Variants in NRXN1 observed in about 807,000 individuals in gnomAD.
The protein encoded by NRXN1 is neurexin 1, also known as neurexin-1.
Under a neutral mutation model 150.9 loss-of-function variants are expected in NRXN1, and 39 were observed. That is an observed-to-expected ratio of 0.26 (90% CI 0.20 to 0.34). NRXN1 has a LOEUF of 0.34. Ranked by LOEUF, NRXN1 falls within the 10% of genes least tolerant of loss-of-function variation. NRXN1 has a pLI of 1.00. For synonymous variants in NRXN1, 924 were observed against 757.0 expected (o/e 1.22, Z -3.62); for missense variants, 1,815 against 1,949.9 (o/e 0.93, Z 1.30).
chr2:50,876,213 A>C (rs924738681), intron 5 of NRXN1, among the ~76,000 whole-genome samples: 1 of 151,742 alleles, frequency 6.6e-6, no homozygotes, highest in Non-Finnish European at 1.5e-5. Context: ...CCCATCCTAG[A>C]GGAGAAACTA....
At chr2:50,236,477 T>G (rs979137969) in intron 18 of NRXN1, among the ~76,000 whole-genome samples, 3 of 151,886 alleles carry the variant, frequency 2.0e-5, no homozygotes, top group African/African-American at 7.2e-5. Context: ...AGGCAATAAC[T>G]TATTTTATTC....
chr2:50,990,078 T>A (rs1049845145), intron 2 of NRXN1, among the ~76,000 whole-genome samples: 6 of 152,012 alleles, frequency 3.9e-5, no homozygotes, highest in African/African-American at 1.4e-4. Flanking sequence ...ACTAATGATG[T>A]TGAGCATCTT....
In NRXN1 at chr2:51,027,951, G is replaced by A. The variant is rs1312769037; in HGVS notation, c.323C>T (p.Pro108Leu). 5.0e-6 allele frequency: 8 copies of A among 1,603,078 alleles called. No homozygotes were observed. Among genetic ancestry groups the A allele is most frequent in the Middle Eastern group, 1.6e-4 (1 of 6,078 alleles). The change falls in exon 2 of 23, where the codon CCG (proline) becomes CTG (leucine). Residue 108 changes from proline to leucine, a missense_variant. Physicochemically the swap from Pro to Leu is moderately conservative, Grantham distance 98. This residue lies in a region of NRXN1 where 554 missense variants were observed against 478.8 expected (regional missense o/e 1.16). Coordinates refer to ENST00000401669, the MANE Select transcript of NRXN1 (RefSeq NM_001330078.2). Reference protein sequence around the residue: ...AEPATLLADTPVNDGAWHSVR... With the variant: ...AEPATLLADTLVNDGAWHSVR... ...GCTGTGCCAGGCGCCGTCGTTAACC[G>A]GCGTGTCGGCCAGGAGCGTCGCAGG... is the stretch of plus-strand genomic sequence containing the variant.
chr2:50,737,177 A>C (rs1343845566), intron 5 of NRXN1, among the ~76,000 whole-genome samples: 1 of 152,058 alleles, frequency 6.6e-6, no homozygotes, highest in Non-Finnish European at 1.5e-5. Context: ...CCTGGACAAC[A>C]AGAGCAAAAC....
rs542642450 is a variant in NRXN1 at position 49,923,296 on chromosome 2, A to T, written c.4217-1045T>A. ...TAGCGAGAGAAGAAGATTCTATCCTACTCTGACTGTAGGTCATTTTTTCCT... is the reference window on the plus strand; with the variant it reads ...TAGCGAGAGAAGAAGATTCTATCCTTCTCTGACTGTAGGTCATTTTTTCCT... On this transcript the variant is annotated intron_variant, in intron 22 of 22. Coordinates refer to ENST00000401669, the MANE Select transcript of NRXN1 (RefSeq NM_001330078.2). Among the ~76,000 whole-genome samples the T allele has an allele frequency of 3.3e-5, 5 of 152,228 alleles. No homozygotes were observed. In the East Asian group the frequency reaches 9.6e-4, roughly 29 times the overall value.
At chr2:50,287,107 A>T (rs1218900459) in intron 17 of NRXN1, among the ~76,000 whole-genome samples, 4 of 152,100 alleles carry the variant, frequency 2.6e-5, no homozygotes, top group Non-Finnish European at 4.4e-5. Context: ...ACTGAGCTTA[A>T]TATTTTTTCA....
At chr2:50,727,188 A>C (rs899954121) in intron 5 of NRXN1, among the ~76,000 whole-genome samples, 1 of 152,174 alleles carries the variant, frequency 6.6e-6, no homozygotes, top group Non-Finnish European at 1.5e-5. Context: ...ACTTAAAGAG[A>C]TATAATTCCT....
chr2:50,961,258 C>G (rs983941853), intron 2 of NRXN1, among the ~76,000 whole-genome samples: 2 of 151,810 alleles, frequency 1.3e-5, no homozygotes, highest in Non-Finnish European at 2.9e-5. Context: ...ACTGGGAAAT[C>G]TTGTTAAAAT....
At chr2:50,695,464 T>C (rs1692690684) in intron 5 of NRXN1, among the ~76,000 whole-genome samples, 1 of 152,180 alleles carries the variant, frequency 6.6e-6, no homozygotes, top group Non-Finnish European at 1.5e-5. Context: ...TTCTATTAAC[T>C]ATGGGTAATC....
At chr2:49,956,433 T>C (rs529965805) in intron 21 of NRXN1, among the ~76,000 whole-genome samples, 1 of 152,278 alleles carries the variant, frequency 6.6e-6, no homozygotes, top group East Asian at 1.9e-4. Flanking sequence ...TGTAAGGCAA[T>C]TTGTGCTCCT....
At chr2:50,815,680 G>C (rs1668828236) in intron 5 of NRXN1, among the ~76,000 whole-genome samples, 1 of 152,094 alleles carries the variant, frequency 6.6e-6, no homozygotes, top group South Asian at 2.1e-4. Flanking sequence ...ACCAGTATTT[G>C]TGTGTATGTA....
chr2:51,031,359 C>T (rs1263682384), intron 1 of NRXN1, among the ~76,000 whole-genome samples: 4 of 152,190 alleles, frequency 2.6e-5, no homozygotes, highest in South Asian at 2.1e-4. Context: ...CAATACAGTA[C>T]GCTCATCGGC....
At chr2:50,737,482 C>T (rs959571433) in intron 5 of NRXN1, among the ~76,000 whole-genome samples, 1 of 152,214 alleles carries the variant, frequency 6.6e-6, no homozygotes, top group Non-Finnish European at 1.5e-5. Context: ...AAGTAACTTT[C>T]TCAAAGTGTT....
chr2:50,514,990 C>A (rs1395839017), intron 12 of NRXN1, among the ~76,000 whole-genome samples: 2 of 152,100 alleles, frequency 1.3e-5, no homozygotes, highest in East Asian at 3.9e-4. Flanking sequence ...GGGCTCCCCA[C>A]CCCCCAGGCC....
chr2:50,954,932 A>ATC (rs745940154), intron 2 of NRXN1, among the ~76,000 whole-genome samples: 4 of 152,148 alleles, frequency 2.6e-5, no homozygotes, highest in Non-Finnish European at 5.9e-5. Context: ...TTTTTGCTAT[A>ATC]GGAGATAAAC....
chr2:49,963,977 G>A (rs2104578322), intron 21 of NRXN1, among the ~76,000 whole-genome samples: 1 of 152,272 alleles, frequency 6.6e-6, no homozygotes, highest in African/African-American at 2.4e-5. Flanking sequence ...AGAGCTGGCT[G>A]AGAAGTTATG....
At chr2:50,612,201 C>T (rs970843178) in intron 8 of NRXN1, among the ~76,000 whole-genome samples, 1 of 152,196 alleles carries the variant, frequency 6.6e-6, no homozygotes, top group East Asian at 1.9e-4. Context: ...TCCATGTCTT[C>T]ATTTGCCAAA....
chr2:50,495,828 C>T (rs1296691083), intron 15 of NRXN1, 77 bp downstream of exon 15: 4 of 1,312,556 alleles, frequency 3.0e-6, no homozygotes, highest in Non-Finnish European at 3.1e-6. Flanking sequence ...ACAAACACAC[C>T]CCTAAGCAAA....
intron 6 of NRXN1, among the ~76,000 whole-genome samples, chr2:50,622,658 A>G (rs1680238695): frequency 1.3e-5 from 2 of 152,214 alleles, no homozygotes; most frequent in Non-Finnish European, 2.9e-5. Context: ...AGTATATAGC[A>G]TCTTGAAAAA....
Sources: gnomAD v4.1 joint callset for allele counts (sites outside exome capture counted in the v4.1 genomes callset) on GRCh38, gnomAD v4.1.1 for gene constraint, gnomAD v4.1.1 regional missense constraint, MANE v1.5 for transcripts, NCBI Gene and HGNC (gene_info 2026-07-23, HGNC 2026-07-21) for gene names.